Variants in CSNK1G3 observed in about 807,000 individuals in gnomAD.
CSNK1G3 encodes the protein casein kinase I isoform gamma-3.
CSNK1G3 carries 23 observed loss-of-function variants against 64.3 expected under a neutral mutation model. The ratio of observed to expected loss-of-function variants is 0.36; its 90% confidence interval spans 0.26 to 0.51. CSNK1G3 has a LOEUF of 0.51. CSNK1G3 is among the 20% of genes least tolerant of loss of function. The pLI, the probability that CSNK1G3 is intolerant of heterozygous loss-of-function variation, is 0.96. For missense variants in CSNK1G3, 357 were observed against 510.5 expected (o/e 0.70, Z 2.90); for synonymous variants, 158 against 162.2 (o/e 0.97, Z 0.20).
intron 3 of CSNK1G3, among the ~76,000 whole-genome samples, chr5:123,557,246 CAA>C (rs2150412789): frequency 6.6e-6 from 1 of 152,178 alleles, no homozygotes; most frequent in Non-Finnish European, 1.5e-5. Context: ...TTCTCAGGGT[CAA>C]AGAGTCAAAC....
intron 10 of CSNK1G3, among the ~76,000 whole-genome samples, chr5:123,594,660 G>T (rs1409806386): frequency 6.6e-6 from 1 of 152,100 alleles, no homozygotes; most frequent in African/African-American, 2.4e-5. Context: ...CATCTACTGT[G>T]TAAAAATATA....
At chr5:123,612,938 T>C (rs76753120) in intron 12 of CSNK1G3, among the ~76,000 whole-genome samples, 288 of 152,312 alleles carry the variant, frequency 1.9e-3, no homozygotes, top group African/African-American at 6.8e-3. Flanking sequence ...CATGCCCACA[T>C]ACCCACAGAG....
chr5:123,570,616 A>G (rs1472302622), intron 4 of CSNK1G3, among the ~76,000 whole-genome samples: 1 of 152,152 alleles, frequency 6.6e-6, no homozygotes, highest in Admixed American at 6.5e-5. Flanking sequence ...TCAGCCTCCC[A>G]AAGTCCTGGG....
intron 1 of CSNK1G3, among the ~76,000 whole-genome samples, chr5:123,516,038 TG>T (rs752686317): frequency 6.6e-6 from 1 of 152,232 alleles, no homozygotes; most frequent in Non-Finnish European, 1.5e-5. Context: ...ACCAATGATC[TG>T]TTTTTTCTTA....
At chr5:123,605,434 G>A in intron 12 of CSNK1G3, 72 bp downstream of exon 13, 1 of 1,529,666 alleles carries the variant, frequency 6.5e-7, no homozygotes, top group South Asian at 1.2e-5. Flanking sequence ...ATCATTTTGT[G>A]TCTTTTGAAA....
At chr5:123,562,374 A>G (rs1431975240) in intron 4 of CSNK1G3, among the ~76,000 whole-genome samples, 1 of 152,108 alleles carries the variant, frequency 6.6e-6, no homozygotes, top group Non-Finnish European at 1.5e-5. Flanking sequence ...CTTTGAGGGC[A>G]GTGATAATGA....
intron 5 of CSNK1G3, among the ~76,000 whole-genome samples, chr5:123,573,993 G>A (rs770793571): frequency 6.6e-6 from 1 of 151,978 alleles, no homozygotes; most frequent in African/African-American, 2.4e-5. Flanking sequence ...GGGACAACAG[G>A]TGCATGCCAC....
rs763199753 is a variant in CSNK1G3 at position 123,612,769 on chromosome 5, C to T, written c.1218-1573C>T. ...GGGATTACACGCATGAGCCACCCCTCCTGGCCAAAACTATTCTTCTATGAA... is the reference window on the plus strand; with the variant it reads ...GGGATTACACGCATGAGCCACCCCTTCTGGCCAAAACTATTCTTCTATGAA... On this transcript the variant is annotated intron_variant, in intron 12 of 12. Coordinates refer to ENST00000345990, the Ensembl canonical transcript of CSNK1G3. Among the ~76,000 whole-genome samples, 120 of 152,156 alleles carry T rather than the reference C, an allele frequency of 7.9e-4. 1 individual carries two copies. Among genetic ancestry groups the T allele is most frequent in the Non-Finnish European group, 2.4e-4 (16 of 68,034 alleles).
intron 5 of CSNK1G3, 38 bp from the exon 6 acceptor site, chr5:123,575,691 C>T (rs1305021398): frequency 7.3e-7 from 1 of 1,366,750 alleles, no homozygotes; most frequent in Non-Finnish European, 1.0e-6. Flanking sequence ...TAGTCAAAGC[C>T]CAAAATAAAA....
chr5:123,606,392 G>A (rs367883240), intron 12 of CSNK1G3, among the ~76,000 whole-genome samples: 86 of 152,274 alleles, frequency 5.6e-4, no homozygotes, highest in African/African-American at 2.0e-3. Context: ...AGACAGGAAA[G>A]TAGGGTGGTG....
chr5:123,598,488 C>A lies in CSNK1G3; in HGVS notation c.1087-6236C>A, dbSNP rs550301510. ...AGCACCTAACCTGGATGAGTCAAGA[C>A]TTTCTGGGGAAAGTGACATCTAAAC... is the stretch of plus-strand genomic sequence containing the variant. On this transcript the variant is annotated intron_variant, in intron 10 of 12. Transcript: ENST00000345990. 1.2e-4 allele frequency among the ~76,000 whole-genome samples: 19 copies of A among 152,234 alleles called. No individual in the cohort carries two copies. The South Asian group carries it at 3.9e-3, about 32-fold the overall frequency.
chr5:123,584,279 A>G (rs371704222), intron 6 of CSNK1G3, among the ~76,000 whole-genome samples: 2 of 152,104 alleles, frequency 1.3e-5, no homozygotes, highest in South Asian at 2.1e-4. Flanking sequence ...TCATTTAAGA[A>G]TTATGTTAGT....
chr5:123,525,412 G>A (rs1465881648), intron 1 of CSNK1G3, among the ~76,000 whole-genome samples: 1 of 151,406 alleles, frequency 6.6e-6, no homozygotes, highest in African/African-American at 2.4e-5. Context: ...CCGGGTTCAA[G>A]CACTTCTTCT....
intron 1 of CSNK1G3, among the ~76,000 whole-genome samples, chr5:123,520,927 A>G (rs566902593): frequency 3.9e-5 from 6 of 152,014 alleles, no homozygotes; most frequent in Non-Finnish European, 7.4e-5. Context: ...TTTCTGTGAA[A>G]TACTTATTTT....
intron 4 of CSNK1G3, 129 bp downstream of exon 4, chr5:123,557,693 T>G (rs1784894317): frequency 1.6e-6 from 1 of 606,888 alleles, no homozygotes; most frequent in Non-Finnish European, 2.8e-6. Context: ...ATACGTTTTC[T>G]TACTATGGTC....
chr5:123,540,299 G>T (rs1781478667), intron 1 of CSNK1G3, among the ~76,000 whole-genome samples: 1 of 150,658 alleles, frequency 6.6e-6, no homozygotes, highest in African/African-American at 2.4e-5. Flanking sequence ...TCCTGTTTTT[G>T]CTCATTAAGA....
exon 13 of CSNK1G3, chr5:123,615,425 A>T (rs1749294627): frequency 6.6e-6 from 1 of 152,594 alleles, no homozygotes; most frequent in Non-Finnish European, 1.5e-5. Context: ...CCCCAGCAAT[A>T]AAAAGTGGGT....
exon 13 of CSNK1G3, chr5:123,615,671 A>C (rs1056451522): frequency 6.6e-6 from 1 of 152,228 alleles, no homozygotes; most frequent in Admixed American, 6.5e-5. Context: ...GTTTTAAGCC[A>C]TAAAGACACA....
chr5:123,570,099 C>T (rs1353236308), intron 4 of CSNK1G3, among the ~76,000 whole-genome samples: 1 of 152,056 alleles, frequency 6.6e-6, no homozygotes, highest in African/African-American at 2.4e-5. Context: ...TCCGTAATGC[C>T]CAACCCAGTC....
Sources: gnomAD v4.1 joint callset for allele counts (sites outside exome capture counted in the v4.1 genomes callset) on GRCh38, gnomAD v4.1.1 for gene constraint, MANE v1.5 for transcripts, NCBI Gene and HGNC (gene_info 2026-07-23, HGNC 2026-07-21) for gene names.